Variants in CLVS1 observed in about 807,000 individuals in gnomAD.
CLVS1 encodes the protein clavesin-1.
CLVS1 carries 10 observed loss-of-function variants against 33.1 expected under a neutral mutation model. The ratio of observed to expected loss-of-function variants is 0.30; its 90% CI spans 0.19 to 0.51. CLVS1 has a LOEUF of 0.51. CLVS1 is among the 20% of genes least tolerant of loss of function. The pLI is 0.97. For synonymous variants in CLVS1, 163 were observed against 166.1 expected (o/e 0.98, Z 0.14); for missense variants, 343 against 433.4 (o/e 0.79, Z 1.85).
the CLVS1 span, among the ~76,000 whole-genome samples, chr8:61,016,424 C>T: frequency 7.2e-5 from 11 of 152,328 alleles, no homozygotes; most frequent in South Asian, 2.3e-3. Context: ...GGAGCAGCCC[C>T]TTCACCAAGG....
intron 2 of CLVS1, among the ~76,000 whole-genome samples, chr8:61,363,147 AG>A (rs1813054557): frequency 6.6e-6 from 1 of 152,162 alleles, no homozygotes; most frequent in Non-Finnish European, 1.5e-5. Context: ...GATCTTTCTA[AG>A]CAGTCTTCTC....
chr8:61,031,003 A>G, the CLVS1 span, among the ~76,000 whole-genome samples: 1 of 152,230 alleles, frequency 6.6e-6, no homozygotes, highest in Non-Finnish European at 1.5e-5. Flanking sequence ...GTGAGGATTA[A>G]GTGAGACAAT....
At chr8:61,359,412 A>G (rs1812876432) in intron 2 of CLVS1, among the ~76,000 whole-genome samples, 1 of 151,950 alleles carries the variant, frequency 6.6e-6, no homozygotes, top group Non-Finnish European at 1.5e-5. Flanking sequence ...CTGGAGTGCA[A>G]TGGTGCGACC....
At chr8:61,176,111 G>C (rs1325092631) in intron 2 of CLVS1, among the ~76,000 whole-genome samples, 1 of 152,140 alleles carries the variant, frequency 6.6e-6, no homozygotes, top group Non-Finnish European at 1.5e-5. Context: ...CTTTGAAAGT[G>C]CTCTCTCATA....
intron 3 of CLVS1, among the ~76,000 whole-genome samples, chr8:61,405,022 G>C (rs959264238): frequency 6.6e-6 from 1 of 152,212 alleles, no homozygotes; most frequent in Non-Finnish European, 1.5e-5. Flanking sequence ...TGTGGGCTCA[G>C]GGGAAACAGC....
chr8:61,048,946 A>G, the CLVS1 span, among the ~76,000 whole-genome samples: 1 of 152,068 alleles, frequency 6.6e-6, no homozygotes, highest in African/African-American at 2.4e-5. Flanking sequence ...GAGAGTAGGC[A>G]TTCTTTAAAT....
intron 1 of CLVS1, among the ~76,000 whole-genome samples, chr8:61,072,038 C>T (rs1316869320): frequency 6.6e-6 from 1 of 152,206 alleles, no homozygotes; most frequent in Non-Finnish European, 1.5e-5. Flanking sequence ...AGATGTTGCG[C>T]TGGCTTGCTT....
intron 2 of CLVS1, among the ~76,000 whole-genome samples, chr8:61,207,990 A>AT (rs1172971280): frequency 6.6e-6 from 1 of 152,250 alleles, no homozygotes; most frequent in Non-Finnish European, 1.5e-5. Context: ...TTGCAGGTAG[A>AT]TAAAAGCGAG....
At position 61,335,145 on chromosome 8, in the gene CLVS1, C is replaced by G. The variant is rs1318124289; in HGVS notation, c.455+34863C>G. Among the ~76,000 whole-genome samples, 5 of 152,148 alleles carry G rather than the reference C, an allele frequency of 3.3e-5. No homozygotes were observed. The East Asian group carries it at 9.6e-4, about 29-fold the overall frequency. ...GCTGATCCATCAAGTGCAGAGTCTGCAAAATATTGGAAGCACTGATTTTAG... is the reference window on the plus strand; with the variant it reads ...GCTGATCCATCAAGTGCAGAGTCTGGAAAATATTGGAAGCACTGATTTTAG... On this transcript the variant is annotated intron_variant, in intron 2 of 5. Transcript: ENST00000325897.
the CLVS1 span, among the ~76,000 whole-genome samples, chr8:60,992,526 A>G: frequency 2.0e-5 from 3 of 152,248 alleles, no homozygotes; most frequent in South Asian, 6.2e-4. Context: ...TCTCCCTCGA[A>G]TCAATGTAAT....
At chr8:60,975,016 C>G in the CLVS1 span, among the ~76,000 whole-genome samples, 1 of 152,050 alleles carries the variant, frequency 6.6e-6, no homozygotes, top group Non-Finnish European at 1.5e-5. Flanking sequence ...GAAAAGCTCC[C>G]TCGATGGTTT....
intron 1 of CLVS1, among the ~76,000 whole-genome samples, chr8:61,065,936 G>A (rs987469185): frequency 2.6e-5 from 4 of 152,164 alleles, no homozygotes; most frequent in Non-Finnish European, 5.9e-5. Flanking sequence ...AGCATGTTGT[G>A]ACATGGAATA....
rs202086199 is a variant in CLVS1, at chr8:61,269,676, A to G, written c.-151-30001A>G. Among the ~76,000 whole-genome samples the G allele has an allele frequency of 1.5e-4, 22 of 147,418 alleles. No individual in the cohort carries two copies. The East Asian group carries it at 4.1e-3, about 28-fold the overall frequency. ...GTGGAATGTTCTTCCATTTGTTTGT[A>G]TCCTCTTTTATTTCCTTGAGCAGTG... On this transcript the variant is annotated intron_variant, in intron 2 of 2. Transcript: ENST00000522621.
At chr8:61,171,670 T>C (rs1286091404) in intron 2 of CLVS1, among the ~76,000 whole-genome samples, 4 of 152,152 alleles carry the variant, frequency 2.6e-5, no homozygotes. Context: ...ACAGGCAATG[T>C]ATTAGATGCT....
chr8:60,981,287 C>A, the CLVS1 span, among the ~76,000 whole-genome samples: 1 of 152,270 alleles, frequency 6.6e-6, no homozygotes, highest in Admixed American at 6.5e-5. Flanking sequence ...GAGTATGCCA[C>A]AAGCCAAATA....
intron 1 of CLVS1, among the ~76,000 whole-genome samples, chr8:61,108,728 C>T (rs547056373): frequency 6.6e-6 from 1 of 152,202 alleles, no homozygotes; most frequent in Non-Finnish European, 1.5e-5. Flanking sequence ...AAGTTTCACT[C>T]ATATTTATAT....
intron 3 of CLVS1, among the ~76,000 whole-genome samples, chr8:61,452,946 GA>G (rs1188471062): frequency 6.7e-6 from 1 of 150,184 alleles, no homozygotes; most frequent in Admixed American, 6.7e-5. Context: ...AAAGGGCTCT[GA>G]AAAAAAGTTA....
At chr8:61,439,543 G>A (rs1816466400) in intron 3 of CLVS1, among the ~76,000 whole-genome samples, 1 of 152,098 alleles carries the variant, frequency 6.6e-6, no homozygotes, top group Non-Finnish European at 1.5e-5. Flanking sequence ...GGCAGCAACA[G>A]GATTGCCAAA....
intron 4 of CLVS1, among the ~76,000 whole-genome samples, chr8:61,457,896 G>A (rs1489153888): frequency 6.6e-6 from 1 of 152,190 alleles, no homozygotes; most frequent in African/African-American, 2.4e-5. Context: ...CTTTGTCTAG[G>A]CCAGGGAAGG....
Sources: gnomAD v4.1 joint callset for allele counts (sites outside exome capture counted in the v4.1 genomes callset) on GRCh38, gnomAD v4.1.1 for gene constraint, MANE v1.5 for transcripts, NCBI Gene and HGNC (gene_info 2026-07-23, HGNC 2026-07-21) for gene names.